Variants in RNF212 observed in about 807,000 individuals in gnomAD.
The protein encoded by RNF212 is probable E3 SUMO-protein ligase RNF212.
Under a neutral mutation model 34.7 loss-of-function variants are expected in RNF212, and 33 were observed. The ratio of observed to expected loss-of-function variants is 0.95; its 90% CI spans 0.72 to 1.27. RNF212 has a LOEUF of 1.27. Among genes scored for constraint, RNF212 ranks in the 50% most tolerant of loss-of-function variants. The probability of loss-of-function intolerance (pLI) is 0.00; values close to 1 mark genes in which losing one functional copy is unlikely to be tolerated. For missense variants in RNF212, 377 were observed against 362.2 expected (o/e 1.04, Z -0.33); for synonymous variants, 140 against 136.1 (o/e 1.03, Z -0.20).
intron 2 of RNF212, chr4:1,101,375 C>T: frequency 5.2e-6 from 1 of 193,082 alleles, no homozygotes; most frequent in Non-Finnish European, 1.1e-5. Flanking sequence ...AACTTTTCTT[C>T]TCTTTCTAAA....
chr4:1,106,956 G>GA (rs1411119945), intron 2 of RNF212, among the ~76,000 whole-genome samples: 2 of 152,078 alleles, frequency 1.3e-5, no homozygotes, highest in African/African-American at 2.4e-5. Flanking sequence ...GCGAAAAACC[G>GA]AAAAAATCCA....
intron 2 of RNF212, 112 bp downstream of exon 2, chr4:1,108,231 G>A (rs1026037228): frequency 2.2e-5 from 14 of 625,714 alleles, no homozygotes; most frequent in East Asian, 2.0e-4. Context: ...CTTTGTTAAC[G>A]GAGCAAAGTG....
rs74880304 is a variant in RNF212, at chr4:1,110,159, G to A, written c.110-1755C>T. On this transcript the variant is annotated intron_variant, in intron 1 of 9. Transcript: ENST00000433731. Reference sequence around the variant, plus strand: ...CATGACAGAGAGGAAATCACGTGCGGCCAAAAGACAAAGGGATTGATGCCT... The same window carrying A: ...CATGACAGAGAGGAAATCACGTGCGACCAAAAGACAAAGGGATTGATGCCT... 1.4e-3 allele frequency among the ~76,000 whole-genome samples: 209 copies of A among 152,248 alleles called. 7 individuals carry two copies. The East Asian group carries it at 0.035, about 25-fold the overall frequency.
chr4:1,056,746 T>C lies in RNF212; in HGVS notation n.221-243A>G, dbSNP rs572255839. On this transcript the variant is annotated intron_variant and non_coding_transcript_variant, in intron 4 of 4. Coordinates refer to the RNF212 transcript ENST00000503206. ...ACTCTTGAGAACGTTTAGAGCTCCA[T>C]GGCTGCCCTTGGCACACACTCAGTT... 109 of 707,006 alleles carry C rather than the reference T, an allele frequency of 1.5e-4. No homozygotes were observed. The African/African-American group carries it at 2.0e-3, about 13-fold the overall frequency. The allele number at this position is 707,006 out of a possible 1,614,324, so 43.8% of individuals were successfully genotyped here.
chr4:1,060,304 G>C (rs368072313), intron 3 of RNF212, among the ~76,000 whole-genome samples: 10 of 152,206 alleles, frequency 6.6e-5, no homozygotes, highest in African/African-American at 2.4e-4. Flanking sequence ...CCCGCTGTGT[G>C]TCCCACAGGG....
At chr4:1,089,228 C>A (rs1447302138) in intron 4 of RNF212, among the ~76,000 whole-genome samples, 1 of 152,202 alleles carries the variant, frequency 6.6e-6, no homozygotes, top group African/African-American at 2.4e-5. Flanking sequence ...TTGCCCAAGG[C>A]CTTGGGAGCC....
chr4:1,064,218 C>T (rs1717939487), intron 3 of RNF212, among the ~76,000 whole-genome samples: 1 of 152,088 alleles, frequency 6.6e-6, no homozygotes, highest in African/African-American at 2.4e-5. Flanking sequence ...TATATATGTA[C>T]ATAAATACAT....
chr4:1,096,760 C>A lies in RNF212; in HGVS notation c.246+5G>T. On this transcript the variant is annotated splice_donor_5th_base_variant and intron_variant, in intron 3 of 9. Coordinates refer to ENST00000433731, the MANE Select transcript of RNF212 (RefSeq NM_001131034.4). ...CGGAACCAAGCCACACCCCTCACAG[C>A]TCACCTGGGAGGTTTCCCTGGAGTA... The A allele has an allele frequency of 6.2e-7, 1 of 1,609,422 alleles. No individual in the cohort carries two copies. Among genetic ancestry groups the A allele is most frequent in the South Asian group, 1.1e-5 (1 of 90,992 alleles).
At chr4:1,060,869 A>G (rs1717704111) in intron 3 of RNF212, among the ~76,000 whole-genome samples, 1 of 152,236 alleles carries the variant, frequency 6.6e-6, no homozygotes, top group South Asian at 2.1e-4. Context: ...CCACTCCAGC[A>G]TGTGAGGGGT....
chr4:1,075,184 C>T (rs570224327), intron 8 of RNF212, among the ~76,000 whole-genome samples: 4 of 152,180 alleles, frequency 2.6e-5, no homozygotes, highest in Non-Finnish European at 5.9e-5. Context: ...GTGTACGCAT[C>T]GGTGTGTTCA....
intron 1 of RNF212, among the ~76,000 whole-genome samples, chr4:1,110,975 C>A (rs182187718): frequency 6.6e-5 from 10 of 152,216 alleles, no homozygotes; most frequent in Non-Finnish European, 1.3e-4. Context: ...CACCTGCCAA[C>A]GCAGAGTATG....
chr4:1,090,895 G>A, intron 3 of RNF212, 57 bp from the exon 4 acceptor site: 2 of 1,125,044 alleles, frequency 1.8e-6, no homozygotes, highest in African/African-American at 1.5e-5. Context: ...TGTGGCTGGA[G>A]TTTTGTTGGG....
chr4:1,102,449 T>C (rs1033341410), intron 2 of RNF212, among the ~76,000 whole-genome samples: 2 of 152,172 alleles, frequency 1.3e-5, no homozygotes, highest in East Asian at 1.9e-4. Flanking sequence ...AAAATCTCTA[T>C]GTATACATGG....
At chr4:1,108,955 C>G (rs1725239539) in intron 1 of RNF212, among the ~76,000 whole-genome samples, 1 of 152,056 alleles carries the variant, frequency 6.6e-6, no homozygotes, top group African/African-American at 2.4e-5. Flanking sequence ...CCCACCTCAG[C>G]CTCCCAAAGT....
At position 1,072,862 on chromosome 4, in the gene RNF212, C is replaced by A. The variant is rs993186759; in HGVS notation, c.*12G>T. 2 of 1,572,456 alleles carry A rather than the reference C, an allele frequency of 1.3e-6. No individual in the cohort carries two copies. The highest frequency in any genetic ancestry group is 1.4e-5 in the African/African-American group (1 of 74,034). Reference sequence around the variant, plus strand: ...AAACACTCAGAATCATTAATAGTCACATAAATGCAAATCAAAATGACTTTT... The same window carrying A: ...AAACACTCAGAATCATTAATAGTCAAATAAATGCAAATCAAAATGACTTTT... On this transcript the variant is annotated 3_prime_UTR_variant, in exon 10 of 10. Transcript: ENST00000433731.
At chr4:1,104,932 G>A (rs372151880) in intron 2 of RNF212, among the ~76,000 whole-genome samples, 1 of 152,146 alleles carries the variant, frequency 6.6e-6, no homozygotes, top group South Asian at 2.1e-4. Flanking sequence ...TTGAGGATGG[G>A]TGCTGGGGGC....
chr4:1,064,796 G>A (rs1717981227), intron 3 of RNF212, among the ~76,000 whole-genome samples: 1 of 152,076 alleles, frequency 6.6e-6, no homozygotes, highest in South Asian at 2.1e-4. Context: ...CCCATTAAAC[G>A]AGAGCTTCCC....
chr4:1,099,389 G>A (rs1055410103), intron 2 of RNF212, among the ~76,000 whole-genome samples: 1 of 152,200 alleles, frequency 6.6e-6, no homozygotes, highest in African/African-American at 2.4e-5. Context: ...GGGAGGCAGC[G>A]AGGAGCAGGG....
At chr4:1,056,484 A>C (rs1351991964) in exon 5 of RNF212, 2 of 985,488 alleles carry the variant, frequency 2.0e-6, no homozygotes, top group Admixed American at 6.1e-5. Context: ...TTGTCTTTGA[A>C]ATGACTTCAA....
Sources: gnomAD v4.1 joint callset for allele counts (sites outside exome capture counted in the v4.1 genomes callset) on GRCh38, gnomAD v4.1.1 for gene constraint, MANE v1.5 for transcripts, NCBI Gene and HGNC (gene_info 2026-07-23, HGNC 2026-07-21) for gene names.